Variants in FADS3 observed in about 807,000 individuals in gnomAD.
FADS3 encodes the protein fatty acid desaturase 3.
In FADS3, 30 loss-of-function variants were observed where a neutral mutation model predicts 60.4. That is an observed-to-expected ratio of 0.50 (90% CI 0.37 to 0.67). The LOEUF (loss-of-function observed/expected upper bound fraction) is 0.67, where lower values mean the gene tolerates loss of function less well. FADS3 is among the 30% of genes least tolerant of loss of function. The pLI is 0.00. For synonymous variants in FADS3, 234 were observed against 249.3 expected (o/e 0.94, Z 0.58); for missense variants, 432 against 598.3 (o/e 0.72, Z 2.90).
chr11:61,875,701 T>TCCCCA, intron 11 of FADS3, 150 bp downstream of exon 11: 5 of 928,242 alleles, frequency 5.4e-6, no homozygotes, highest in Non-Finnish European at 7.9e-6. Flanking sequence ...TCTCACTGTG[T>TCCCCA]GCGTGAAGGC....
intron 1 of FADS3, among the ~76,000 whole-genome samples, chr11:61,886,546 C>T (rs1280806990): frequency 6.6e-6 from 1 of 152,124 alleles, no homozygotes; most frequent in African/African-American, 2.4e-5. Flanking sequence ...AGCCACCCCC[C>T]AACCAACTCC....
Position 61,880,129 on chromosome 11 carries a change from T to C in FADS3, c.236A>G (p.Gln79Arg), listed in dbSNP as rs756393506. 6 of 1,613,744 alleles carry C rather than the reference T, an allele frequency of 3.7e-6. No individual in the cohort carries two copies. Among genetic ancestry groups the C allele is most frequent in the Admixed American group, 3.3e-5 (2 of 59,998 alleles). Residue 79 changes from glutamine to arginine, a missense_variant, in exon 2 of 12, where the codon CAA becomes CGA. By Grantham distance (43) the Gln-to-Arg change is conservative. This residue lies in a region of FADS3 where 167 missense variants were observed against 188.8 expected (regional missense o/e 0.88). Coordinates refer to ENST00000278829, the MANE Select transcript of FADS3 (RefSeq NM_021727.5). Reference sequence around the variant, plus strand: ...GAACTTGCGCACAAAATTGAGATCTTGATGGAAGGCACGGAAGGCATCCTG... The same window carrying C: ...GAACTTGCGCACAAAATTGAGATCTCGATGGAAGGCACGGAAGGCATCCTG... Reference protein sequence around the residue: ...DATDAFRAFHQDLNFVRKFLQ... With the variant: ...DATDAFRAFHRDLNFVRKFLQ...
intron 6 of FADS3, 111 bp downstream of exon 6, chr11:61,878,044 C>T (rs563759043): frequency 1.1e-6 from 1 of 915,528 alleles, no homozygotes; most frequent in Non-Finnish European, 1.8e-6. Flanking sequence ...ACCAGGGAGA[C>T]CTGACAGACG....
chr11:61,884,895 T>G (rs1050607317), intron 1 of FADS3, among the ~76,000 whole-genome samples: 2 of 152,130 alleles, frequency 1.3e-5, no homozygotes, highest in African/African-American at 4.8e-5. Context: ...CAGGCTCTGT[T>G]CACAGTGGCA....
chr11:61,888,089 G>A (rs1206376667), intron 1 of FADS3, among the ~76,000 whole-genome samples: 1 of 152,176 alleles, frequency 6.6e-6, no homozygotes, highest in Non-Finnish European at 1.5e-5. Context: ...TCCCTCCCTG[G>A]CTGGCTCCAC....
intron 1 of FADS3, chr11:61,882,517 G>GT (rs1938173000): frequency 1.3e-5 from 2 of 151,784 alleles, no homozygotes; most frequent in Non-Finnish European, 2.9e-5. Context: ...AATCCTGGTC[G>GT]TAAGTGATCC....
chr11:61,883,504 A>G (rs1321185330), intron 1 of FADS3, among the ~76,000 whole-genome samples: 2 of 152,160 alleles, frequency 1.3e-5, no homozygotes, highest in Non-Finnish European at 2.9e-5. Flanking sequence ...TCACTCAGAC[A>G]CTCAGAAACA....
rs1195303366 is a variant in FADS3 at position 61,876,986 on chromosome 11, T to G, written c.886-23A>C. On this transcript the variant is annotated intron_variant, in intron 7 of 11. Coordinates refer to ENST00000278829, the MANE Select transcript of FADS3 (RefSeq NM_021727.5). The surrounding 1 kb of genome is among the most constrained non-coding windows in gnomAD (Gnocchi z 5.7). ...ATCCTGCAGAGGAGGGCAGAGGCGATACCGAGAGGTCTCCAGGTGCCCGGA... is the reference window on the plus strand; with the variant it reads ...ATCCTGCAGAGGAGGGCAGAGGCGAGACCGAGAGGTCTCCAGGTGCCCGGA... The G allele has an allele frequency of 6.5e-7, 1 of 1,534,876 alleles. No homozygotes were observed. The highest frequency in any genetic ancestry group is 8.8e-7 in the Non-Finnish European group (1 of 1,133,106).
chr11:61,878,353 G>T (rs1591192912), intron 5 of FADS3, 138 bp from the exon 6 acceptor site: 1 of 1,368,628 alleles, frequency 7.3e-7, no homozygotes, highest in Non-Finnish European at 1.0e-6. Context: ...TCCCCAGCAG[G>T]TTGGGAGGTG....
chr11:61,875,726 AGGG>A, intron 11 of FADS3, 122 bp downstream of exon 11: 1 of 1,150,658 alleles, frequency 8.7e-7, no homozygotes, highest in Middle Eastern at 2.9e-4. Context: ...GAAGGGAGGA[AGGG>A]CATGGGACGT....
At chr11:61,874,053 A>G (rs945203882) in intron 11 of FADS3, among the ~76,000 whole-genome samples, 188 bp from the exon 12 acceptor site, 4 of 152,222 alleles carry the variant, frequency 2.6e-5, no homozygotes, top group Admixed American at 1.3e-4. Context: ...ATTCTCTGGA[A>G]TGGAATCTAG....
rs1328695024 is a variant in FADS3, at chr11:61,876,958, C to G, written c.891G>C (p.Leu297Phe). 1.1e-5 allele frequency: 18 copies of G among 1,598,792 alleles called. No individual in the cohort carries two copies. The highest frequency in any genetic ancestry group is 1.4e-5 in the Non-Finnish European group (17 of 1,173,694). Residue 297 changes from leucine to phenylalanine, a missense_variant, in exon 8 of 12, where the codon TTG (leucine) becomes TTC (phenylalanine). Transcript: ENST00000278829. This position sits in a 1 kb window ranked among gnomAD's most constrained non-coding sequence, Gnocchi z 5.7. ...GGGCATAGAAGCTGGCGGCCCAGAG[C>G]AAATCCTGCAGAGGAGGGCAGAGGC... ...YMLVCMQWADLLWAASFYARF... is the reference protein window; with the variant it reads ...YMLVCMQWADFLWAASFYARF...
At chr11:61,891,062 G>C in intron 1 of FADS3, 107 bp downstream of exon 1, 1 of 983,312 alleles carries the variant, frequency 1.0e-6, no homozygotes, top group Non-Finnish European at 1.5e-6. Context: ...AAAGGTCAGC[G>C]AGGGGAGGGA....
chr11:61,886,677 A>T lies in FADS3; in HGVS notation c.213+4492T>A, dbSNP rs558998154. Among the ~76,000 whole-genome samples the T allele has an allele frequency of 2.3e-4, 35 of 152,106 alleles. 1 individual carries two copies. In the South Asian group the frequency reaches 6.2e-3, roughly 27 times the overall value. On this transcript the variant is annotated intron_variant, in intron 1 of 11. Transcript: ENST00000278829. Reference sequence around the variant, plus strand: ...CCTTCAAGGGTCCTGAGAAGGTTCCATTACACCCCCCAGTTTCAAACTCAG... The same window carrying T: ...CCTTCAAGGGTCCTGAGAAGGTTCCTTTACACCCCCCAGTTTCAAACTCAG...
At chr11:61,888,462 C>A (rs1938385758) in intron 1 of FADS3, among the ~76,000 whole-genome samples, 1 of 152,258 alleles carries the variant, frequency 6.6e-6, no homozygotes, top group South Asian at 2.1e-4. Context: ...TGCACCATCC[C>A]AGCAACCTCA....
At position 61,876,039 on chromosome 11, in the gene FADS3, C is replaced by CGGGTCCCCTCCCA. The variant is rs1565342856; in HGVS notation, c.1160+59_1161-64dup. On this transcript the variant is annotated intron_variant, in intron 10 of 11. Coordinates refer to ENST00000278829, the MANE Select transcript of FADS3 (RefSeq NM_021727.5). The surrounding 1 kb of genome is among the most constrained non-coding windows in gnomAD (Gnocchi z 5.7). Reference sequence around the variant, plus strand: ...AGATTCCAGAGAGAGGCCCCACCCACGGGTCCCCTCCCAGGATCCCCTCCC... The same window carrying CGGGTCCCCTCCCA: ...AGATTCCAGAGAGAGGCCCCACCCACGGGTCCCCTCCCAGGGTCCCCTCCCAGGATCCCCTCCC... The CGGGTCCCCTCCCA allele has an allele frequency of 2.0e-5, 33 of 1,610,554 alleles. 1 individual carries two copies.
chr11:61,879,659 C>T (rs1938051821), intron 2 of FADS3, 150 bp from the exon 3 acceptor site: 1 of 748,648 alleles, frequency 1.3e-6, no homozygotes, highest in Admixed American at 2.4e-5. Flanking sequence ...GGGGTGTGAG[C>T]TGGAGCACTG....
rs116664987 is a variant in FADS3 at position 61,874,622 on chromosome 11, G to C, written c.1287-757C>G. Among the ~76,000 whole-genome samples the C allele has an allele frequency of 9.1e-3, 1,388 of 152,314 alleles. 18 individuals are homozygous for C. Among genetic ancestry groups the C allele is most frequent in the African/African-American group, 0.032 (1,323 of 41,570 alleles). ...CAAGCCGGGCGTGTCCCTTCTCTGA[G>C]TGCCTGCATGCCTGCCTCGGCTATC... On this transcript the variant is annotated intron_variant, in intron 11 of 11. Coordinates refer to ENST00000278829, the MANE Select transcript of FADS3 (RefSeq NM_021727.5).
intron 1 of FADS3, among the ~76,000 whole-genome samples, chr11:61,887,820 A>G (rs761103781): frequency 1.3e-5 from 2 of 152,248 alleles, no homozygotes; most frequent in Non-Finnish European, 1.5e-5. Flanking sequence ...AGGTGGCAGC[A>G]TAGCATGCCC....
Sources: gnomAD v4.1 joint callset for allele counts (sites outside exome capture counted in the v4.1 genomes callset) on GRCh38, gnomAD v4.1.1 for gene constraint, gnomAD v4.1.1 regional missense constraint, Gnocchi (gnomAD v3.1) non-coding constraint, MANE v1.5 for transcripts, NCBI Gene and HGNC (gene_info 2026-07-23, HGNC 2026-07-21) for gene names.